MYO9A: variants seen among roughly 807,000 people sequenced by gnomAD.
MYO9A encodes the protein myosin IXA, also known as unconventional myosin-IXa.
In MYO9A, 103 loss-of-function variants were observed where a neutral mutation model predicts 293.3. The ratio of observed to expected loss-of-function variants is 0.35; its 90% CI spans 0.30 to 0.41. The LOEUF (loss-of-function observed/expected upper bound fraction) is 0.41. Among genes scored for constraint, MYO9A ranks in the 10% least tolerant of loss-of-function variants. The pLI is 1.00. For missense variants in MYO9A, 2,685 were observed against 3,033.0 expected, an observed-to-expected ratio of 0.89 and a Z score of 2.69; for synonymous variants, 1,001 against 1,035.7, an observed-to-expected ratio of 0.97 and a Z score of 0.64.
intron 1 of MYO9A, among the ~76,000 whole-genome samples, chr15:72,102,471 A>G (rs1263119863): frequency 6.7e-6 from 1 of 148,624 alleles, no homozygotes; most frequent in Non-Finnish European, 1.5e-5. Context: ...GAAACACCCA[A>G]GAATTATCAA....
intron 1 of MYO9A, among the ~76,000 whole-genome samples, chr15:72,112,228 TAAAA>T (rs916029974): frequency 2.6e-5 from 4 of 151,112 alleles, no homozygotes; most frequent in Non-Finnish European, 5.9e-5. Context: ...AATAAATAAA[TAAAA>T]AAAACACACA....
intron 31 of MYO9A, among the ~76,000 whole-genome samples, chr15:71,876,425 A>AATTT (rs2056690278): frequency 3.3e-5 from 2 of 61,070 alleles, no homozygotes; most frequent in Non-Finnish European, 5.6e-5. Context: ...CCTGGCTGGT[A>AATTT]TTTTTTTTTT....
chr15:71,860,065 T>G (rs1409528868), intron 33 of MYO9A, among the ~76,000 whole-genome samples: 1 of 152,160 alleles, frequency 6.6e-6, no homozygotes, highest in Non-Finnish European at 1.5e-5. Context: ...CCTGCCCCTA[T>G]GCCATACAGT....
At chr15:72,100,587 A>T (rs2080244795) in intron 1 of MYO9A, among the ~76,000 whole-genome samples, 1 of 147,868 alleles carries the variant, frequency 6.8e-6, no homozygotes, top group South Asian at 2.1e-4. Context: ...ATCATCTGAG[A>T]TGTGGGGAGC....
At chr15:71,864,226 A>G (rs766778950) in intron 32 of MYO9A, among the ~76,000 whole-genome samples, 2 of 152,256 alleles carry the variant, frequency 1.3e-5, no homozygotes, top group Non-Finnish European at 2.9e-5. Context: ...GGCACATGAA[A>G]AGATGTTCAA....
intron 1 of MYO9A, among the ~76,000 whole-genome samples, chr15:72,101,851 G>T (rs1275599312): frequency 1.3e-5 from 2 of 149,494 alleles, no homozygotes; most frequent in East Asian, 2.0e-4. Flanking sequence ...CAGCCGCCCC[G>T]TCCGGGAGGG....
chr15:71,839,318 G>A (rs750045158), intron 39 of MYO9A, among the ~76,000 whole-genome samples: 18 of 152,146 alleles, frequency 1.2e-4, no homozygotes, highest in Non-Finnish European at 2.4e-4. Flanking sequence ...CAGGATGCAG[G>A]GCAGTGAGAA....
intron 15 of MYO9A, among the ~76,000 whole-genome samples, chr15:71,945,600 C>T (rs757976185): frequency 6.6e-6 from 1 of 151,896 alleles, no homozygotes; most frequent in African/African-American, 2.4e-5. Context: ...ACTTGGTATC[C>T]CGTAAAAATG....
rs377708464 is a variant in MYO9A, at chr15:71,966,265, A to AGTGTGTGTGTGTGTGTGTGTGTGTGT, written c.1986+1693_1986+1718dup. ...ATAACGCAGATGAATATCCCAGGCA[A>AGTGTGTGTGTGTGTGTGTGTGTGTGT]GTGTGTGTGTGTGTGTGTGTGTGTG... On this transcript the variant is annotated intron_variant, in intron 13 of 41. Coordinates refer to ENST00000356056, the MANE Select transcript of MYO9A (RefSeq NM_006901.4). 9.9e-4 allele frequency among the ~76,000 whole-genome samples: 133 copies of AGTGTGTGTGTGTGTGTGTGTGTGTGT among 134,946 alleles called. 2 individuals are homozygous for AGTGTGTGTGTGTGTGTGTGTGTGTGT. Among genetic ancestry groups the AGTGTGTGTGTGTGTGTGTGTGTGTGT allele is most frequent in the African/African-American group, 3.2e-3 (111 of 34,868 alleles). 88.5% of individuals were successfully genotyped at this position (134,946 alleles called of 152,430 possible).
chr15:72,029,363 T>C (rs576379439), intron 3 of MYO9A, among the ~76,000 whole-genome samples: 4 of 152,358 alleles, frequency 2.6e-5, no homozygotes, highest in South Asian at 4.1e-4. Context: ...CCTGATAGTA[T>C]AGCCTACTAC....
In MYO9A at chr15:71,850,277, A is replaced by G. The variant is rs1194047311; in HGVS notation, c.6582-110T>C. 13 of 1,253,562 alleles carry G rather than the reference A, an allele frequency of 1.0e-5. No individual in the cohort carries two copies. The African/African-American group carries it at 1.2e-4, about 11-fold the overall frequency. The allele number at this position is 1,253,562 out of a possible 1,614,324, so 77.7% of individuals were successfully genotyped here. A position where few individuals can be genotyped will look rare whatever the true frequency, so the allele number is the denominator to read the frequency against. ...AAGAAGACAGTATGACATGAACTGC[A>G]TAGTACTAGAAGGATATCCATTAAG... On this transcript the variant is annotated intron_variant, in intron 37 of 41. Transcript: ENST00000356056.
chr15:71,852,362 CTT>C (rs1159987320), intron 35 of MYO9A, 102 bp from the exon 36 acceptor site: 27,560 of 597,530 alleles, frequency 0.046, 13 homozygotes, highest in South Asian at 0.061. Flanking sequence ...CTTCATGTTT[CTT>C]TTTTTTTTTT....
At chr15:71,950,336 C>T (rs1262831577) in intron 15 of MYO9A, 1 of 152,086 alleles carries the variant, frequency 6.6e-6, no homozygotes, top group Non-Finnish European at 1.5e-5. Flanking sequence ...AAACTGGTGC[C>T]CTCCTATTCA....
chr15:71,971,102 A>T (rs1028750882), intron 12 of MYO9A, among the ~76,000 whole-genome samples: 1 of 151,982 alleles, frequency 6.6e-6, no homozygotes. Context: ...CAGAGCTTGC[A>T]GTGAGCTGAG....
At chr15:72,009,892 GT>G (rs2148932422) in intron 7 of MYO9A, among the ~76,000 whole-genome samples, 1 of 151,792 alleles carries the variant, frequency 6.6e-6, no homozygotes, top group African/African-American at 2.4e-5. Context: ...TTTTTAAATT[GT>G]TTAGATTTAC....
intron 13 of MYO9A, among the ~76,000 whole-genome samples, chr15:71,962,047 A>G (rs1050183839): frequency 6.6e-6 from 1 of 152,154 alleles, no homozygotes; most frequent in Non-Finnish European, 1.5e-5. Context: ...TTAAAACTGA[A>G]TAAGAAGGAT....
At chr15:71,902,185 A>G (rs1331860848) in intron 22 of MYO9A, among the ~76,000 whole-genome samples, 1 of 152,116 alleles carries the variant, frequency 6.6e-6, no homozygotes, top group African/African-American at 2.4e-5. Context: ...AGGCATGCAC[A>G]GGAGACAACG....
At chr15:71,893,972 G>A (rs2057252598) in intron 25 of MYO9A, among the ~76,000 whole-genome samples, 194 bp from the exon 26 acceptor site, 1 of 152,132 alleles carries the variant, frequency 6.6e-6, no homozygotes, top group Admixed American at 6.5e-5. Flanking sequence ...AATTACTAAA[G>A]GCCTTGTCCT....
chr15:72,010,721 G>C (rs182140181), intron 6 of MYO9A, among the ~76,000 whole-genome samples: 109 of 152,234 alleles, frequency 7.2e-4, no homozygotes, highest in African/African-American at 2.6e-3. Flanking sequence ...TTAAGATAAA[G>C]AGTTAGCTGT....
Sources: allele counts gnomAD v4.1 joint callset (sites outside exome capture counted in the v4.1 genomes callset), GRCh38; gene constraint gnomAD v4.1.1; transcripts MANE v1.5; gene names NCBI Gene and HGNC (gene_info 2026-07-23, HGNC 2026-07-21).